C1orf87: variants seen among roughly 807,000 people sequenced by gnomAD.
C1orf87 encodes the protein chromosome 1 open reading frame 87, also known as uncharacterized protein C1orf87.
A neutral mutation model predicts 60.5 loss-of-function variants in C1orf87; 58 were observed. The observed-to-expected ratio is 0.96, with a 90% CI of 0.78 to 1.19. C1orf87 has a LOEUF of 1.19. Among genes scored for constraint, C1orf87 ranks in the 50% most tolerant of loss-of-function variants. The pLI, the probability that C1orf87 is intolerant of heterozygous loss-of-function variation, is 0.00. For missense variants in C1orf87, 673 were observed against 638.6 expected, an observed-to-expected ratio of 1.05 and a Z score of -0.58; for synonymous variants, 236 against 227.4, an observed-to-expected ratio of 1.04 and a Z score of -0.34.
At chr1:60,059,739 A>G (rs940977973) in intron 2 of C1orf87, among the ~76,000 whole-genome samples, 12 of 152,294 alleles carry the variant, frequency 7.9e-5, no homozygotes, top group African/African-American at 2.6e-4. Flanking sequence ...ACCAGATGCC[A>G]TCTTAAAGGT....
intron 3 of C1orf87, 126 bp from the exon 4 acceptor site, chr1:60,041,257 CT>C: frequency 2.4e-6 from 2 of 838,432 alleles, no homozygotes; most frequent in Non-Finnish European, 1.7e-6. Flanking sequence ...TCTAAATGAA[CT>C]TTAGCCCATG....
chr1:60,008,276 T>C (rs1052718479), intron 9 of C1orf87, among the ~76,000 whole-genome samples: 3 of 152,110 alleles, frequency 2.0e-5, no homozygotes, highest in Non-Finnish European at 4.4e-5. Flanking sequence ...TTTTCTTTTA[T>C]ATTTTGCCCA....
intron 6 of C1orf87, among the ~76,000 whole-genome samples, chr1:60,034,660 G>T (rs1223244648): frequency 6.6e-6 from 1 of 151,994 alleles, no homozygotes; most frequent in African/African-American, 2.4e-5. Context: ...GAAGAGGTGT[G>T]CATCATTGGC....
At chr1:60,061,703 C>A (rs1645497398) in intron 2 of C1orf87, among the ~76,000 whole-genome samples, 2 of 142,478 alleles carry the variant, frequency 1.4e-5, no homozygotes, top group African/African-American at 5.2e-5. Context: ...CTTTGGGAGG[C>A]CTAGGTAAGA....
Position 60,040,273 on chromosome 1 carries a change from T to A in C1orf87, c.484-93A>T. ...GCAGAGGCACACTGGGGCTGGTATCTGAGTGTCCACTCGCAGTCCTGGCCT... is the reference window on the plus strand; with the variant it reads ...GCAGAGGCACACTGGGGCTGGTATCAGAGTGTCCACTCGCAGTCCTGGCCT... On this transcript the variant is annotated intron_variant, in intron 4 of 11. Transcript: ENST00000371201. 1.4e-6 allele frequency: 2 copies of A among 1,479,220 alleles called. 1 individual carries two copies. Among genetic ancestry groups the A allele is most frequent in the Middle Eastern group, 3.7e-4 (2 of 5,388 alleles). The allele number at this position is 1,479,220 out of a possible 1,614,324, so 91.6% of individuals were successfully genotyped here.
rs566418610 is a variant in C1orf87 at position 60,020,984 on chromosome 1, G to C, written c.1127+4417C>G. ...GGCAGATTTCCCCCATGCTGTTCTT[G>C]TGATGGTGAGTGAATTCTCATGAGG... On this transcript the variant is annotated intron_variant, in intron 8 of 11. Coordinates refer to ENST00000371201, the MANE Select transcript of C1orf87 (RefSeq NM_152377.3). Among the ~76,000 whole-genome samples, 89 of 152,238 alleles carry C rather than the reference G, an allele frequency of 5.8e-4. No individual in the cohort carries two copies. The South Asian group carries it at 1.0e-2, about 17-fold the overall frequency.
chr1:60,012,643 C>T (rs755625128), intron 8 of C1orf87, among the ~76,000 whole-genome samples: 8 of 152,072 alleles, frequency 5.3e-5, no homozygotes, highest in Non-Finnish European at 7.4e-5. Flanking sequence ...CAGATCAGGA[C>T]TGGAGGACAA....
intron 3 of C1orf87, among the ~76,000 whole-genome samples, chr1:60,049,237 A>G (rs2100309871): frequency 6.6e-6 from 1 of 152,162 alleles, no homozygotes; most frequent in Non-Finnish European, 1.5e-5. Context: ...ATAGCCTTCC[A>G]ACAAAGTATA....
intron 8 of C1orf87, among the ~76,000 whole-genome samples, chr1:60,012,418 T>A (rs1481448541): frequency 6.6e-6 from 1 of 152,072 alleles, no homozygotes; most frequent in East Asian, 1.9e-4. Context: ...TTTAACTATA[T>A]TGCCTGATTT....
chr1:60,066,581 G>A (rs1172358260), intron 2 of C1orf87, among the ~76,000 whole-genome samples: 1 of 152,070 alleles, frequency 6.6e-6, no homozygotes, highest in Non-Finnish European at 1.5e-5. Flanking sequence ...CTCCACTGAA[G>A]TCTTGGAACC....
At chr1:60,010,612 A>G (rs1645076849) in intron 8 of C1orf87, among the ~76,000 whole-genome samples, 156 bp from the exon 9 acceptor site, 1 of 152,014 alleles carries the variant, frequency 6.6e-6, no homozygotes, top group Non-Finnish European at 1.5e-5. Context: ...TACTTTGTAT[A>G]TCTTTATTAA....
At chr1:60,052,332 A>G (rs1024460763) in intron 3 of C1orf87, among the ~76,000 whole-genome samples, 2 of 129,846 alleles carry the variant, frequency 1.5e-5, no homozygotes, top group East Asian at 4.4e-4. Flanking sequence ...GATATAAACA[A>G]TATGTATTTT....
chr1:60,068,682 G>C (rs1645565085), intron 2 of C1orf87, among the ~76,000 whole-genome samples: 1 of 152,148 alleles, frequency 6.6e-6, no homozygotes, highest in Non-Finnish European at 1.5e-5. Context: ...GAATGGAACA[G>C]TTTGGCATAA....
At chr1:59,997,845 A>G in intron 10 of C1orf87, 29 bp from the exon 11 acceptor site, 1 of 1,600,394 alleles carries the variant, frequency 6.2e-7, no homozygotes, top group East Asian at 2.2e-5. Flanking sequence ...CATTGGCAAC[A>G]CATTCACCAC....
At chr1:59,999,957 G>A (rs1229518617) in intron 10 of C1orf87, among the ~76,000 whole-genome samples, 2 of 152,120 alleles carry the variant, frequency 1.3e-5, no homozygotes, top group Admixed American at 6.6e-5. Context: ...GCGCCAGGCT[G>A]GGCAAGAGGT....
chr1:60,072,459 A>T, intron 2 of C1orf87, 78 bp downstream of exon 2: 1 of 1,181,250 alleles, frequency 8.5e-7, no homozygotes, highest in Non-Finnish European at 1.2e-6. Context: ...TTTTAAGTTT[A>T]AATTTCTGGG....
At chr1:60,034,594 C>A (rs375601152) in intron 6 of C1orf87, among the ~76,000 whole-genome samples, 2 of 152,148 alleles carry the variant, frequency 1.3e-5, no homozygotes, top group East Asian at 3.8e-4. Context: ...GGTGTAAATA[C>A]CCCCACCATG....
At chr1:60,065,744 T>C (rs1645541622) in intron 2 of C1orf87, among the ~76,000 whole-genome samples, 1 of 152,168 alleles carries the variant, frequency 6.6e-6, no homozygotes, top group Non-Finnish European at 1.5e-5. Context: ...AATTTATTAA[T>C]ATAAATGGTT....
intron 2 of C1orf87, among the ~76,000 whole-genome samples, chr1:60,064,726 A>C (rs1180250218): frequency 3.0e-5 from 3 of 99,594 alleles, no homozygotes; most frequent in Non-Finnish European, 5.4e-5. Flanking sequence ...AAATATATTT[A>C]AATATATTTA....
Sources: allele counts gnomAD v4.1 joint callset (sites outside exome capture counted in the v4.1 genomes callset), GRCh38; gene constraint gnomAD v4.1.1; transcripts MANE v1.5; gene names NCBI Gene and HGNC (gene_info 2026-07-23, HGNC 2026-07-21).